The following ABCB4 variants were observed in gnomAD, a reference collection of about 807,000 sequenced individuals.
The protein encoded by ABCB4 is ATP binding cassette subfamily B member 4.
Under a neutral mutation model 145.7 loss-of-function variants are expected in ABCB4, and 76 were observed. The observed-to-expected ratio is 0.52, with a 90% confidence interval of 0.43 to 0.63. ABCB4 has a LOEUF of 0.63. Ranked by LOEUF, ABCB4 falls within the 30% of genes least tolerant of loss-of-function variation. The probability of loss-of-function intolerance (pLI) is 0.00; values close to 1 mark genes in which losing one functional copy is unlikely to be tolerated. For synonymous variants in ABCB4, 517 were observed against 566.8 expected (o/e 0.91, Z 1.25); for missense variants, 1,234 against 1,553.1 (o/e 0.79, Z 3.45).
chr7:87,389,207 C>A, the ABCB4 span, among the ~76,000 whole-genome samples: 2 of 152,162 alleles, frequency 1.3e-5, no homozygotes, highest in Non-Finnish European at 2.9e-5. Flanking sequence ...TTGCAGAAGA[C>A]AGTGTGGCGA....
chr7:87,434,095 ATTTTTTTTTTT>A (rs756063095), intron 14 of ABCB4, among the ~76,000 whole-genome samples: 1 of 118,058 alleles, frequency 8.5e-6, no homozygotes, highest in East Asian at 2.4e-4. Flanking sequence ...CACCTGGCTA[ATTTTTTTTTTT>A]TTTTTTTTTT....
chr7:87,426,462 T>C (rs1809813637), intron 16 of ABCB4, among the ~76,000 whole-genome samples: 3 of 152,238 alleles, frequency 2.0e-5, no homozygotes, highest in Admixed American at 1.3e-4. Flanking sequence ...ACCAGTCTTA[T>C]TACCTCTGGA....
At chr7:87,462,072 T>C (rs1006962901) in intron 4 of ABCB4, among the ~76,000 whole-genome samples, 2 of 152,212 alleles carry the variant, frequency 1.3e-5, no homozygotes, top group African/African-American at 4.8e-5. Context: ...AAAATTTTCC[T>C]TTCTATGTTG....
chr7:87,464,148 C>T (rs921685046), intron 3 of ABCB4, among the ~76,000 whole-genome samples: 1 of 152,266 alleles, frequency 6.6e-6, no homozygotes, highest in South Asian at 2.1e-4. Context: ...CCTTTGAGGG[C>T]TGAAGCTAGG....
chr7:87,452,549 T>G, intron 6 of ABCB4: 1 of 295,272 alleles, frequency 3.4e-6, no homozygotes, highest in Non-Finnish European at 6.5e-6. Flanking sequence ...ACTTCGCACA[T>G]GAAACACCCT....
chr7:87,417,328 A>G lies in ABCB4; in HGVS notation c.2666T>C (p.Leu889Pro). The change falls in exon 21 of 28, where the codon CTG (leucine) becomes CCG (proline). Residue 889 changes from leucine to proline, a missense_variant. Physicochemically the swap from Leu to Pro is moderately conservative, Grantham distance 98. This residue lies in a region of ABCB4 where 301 missense variants were observed against 389.0 expected (regional missense o/e 0.77). Transcript: ENST00000649586. ...AGNAKRDKKE[L>P]EAAGKIATEA... ...TTGACCTACCTTTCCAGCAGCTTCC[A>G]GTTCTTTTTTATCTCTTTTGGCATT... 1 of 1,614,092 alleles carries G rather than the reference A, an allele frequency of 6.2e-7. No homozygotes were observed. The highest frequency in any genetic ancestry group is 8.5e-7 in the Non-Finnish European group (1 of 1,179,970).
chr7:87,432,878 A>G (rs969966984), intron 14 of ABCB4, among the ~76,000 whole-genome samples: 1 of 152,178 alleles, frequency 6.6e-6, no homozygotes, highest in Non-Finnish European at 1.5e-5. Flanking sequence ...TTGTATCTCA[A>G]TTTTTTAAAA....
intron 14 of ABCB4, among the ~76,000 whole-genome samples, chr7:87,436,131 T>A (rs1016378506): frequency 1.3e-5 from 2 of 152,188 alleles, no homozygotes; most frequent in Non-Finnish European, 2.9e-5. Context: ...AAGAGAATGA[T>A]CAGCTAAAGA....
intron 16 of ABCB4, among the ~76,000 whole-genome samples, chr7:87,425,236 C>T (rs1345342165): frequency 1.3e-5 from 2 of 152,120 alleles, no homozygotes; most frequent in Non-Finnish European, 2.9e-5. Flanking sequence ...TGCAGCATTT[C>T]CTGCCTCCCC....
the ABCB4 span, among the ~76,000 whole-genome samples, chr7:87,367,033 A>G: frequency 2.8e-3 from 425 of 152,312 alleles, no homozygotes; most frequent in African/African-American, 9.6e-3. Context: ...GACATTTACC[A>G]GCCTTTCAGT....
chr7:87,370,969 A>G, the ABCB4 span, among the ~76,000 whole-genome samples: 2 of 152,188 alleles, frequency 1.3e-5, no homozygotes, highest in Non-Finnish European at 2.9e-5. Context: ...TCTGGGTAAG[A>G]GTTCTTACTT....
chr7:87,456,321 TG>T (rs1208541298), intron 4 of ABCB4, among the ~76,000 whole-genome samples: 4 of 152,202 alleles, frequency 2.6e-5, no homozygotes, highest in African/African-American at 9.7e-5. Context: ...AATCTCACGT[TG>T]AAATGTGATC....
chr7:87,427,030 T>A, intron 15 of ABCB4, 110 bp from the exon 16 acceptor site: 1 of 942,952 alleles, frequency 1.1e-6, no homozygotes, highest in South Asian at 1.5e-5. Context: ...CAATTTGGAA[T>A]ATTACATGTA....
intron 3 of ABCB4, among the ~76,000 whole-genome samples, chr7:87,466,447 T>G (rs1812908698): frequency 6.6e-6 from 1 of 152,146 alleles, no homozygotes; most frequent in South Asian, 2.1e-4. Flanking sequence ...AGTGACAGGA[T>G]TAATGGAACC....
At chr7:87,389,284 A>G in the ABCB4 span, among the ~76,000 whole-genome samples, 1 of 152,188 alleles carries the variant, frequency 6.6e-6, no homozygotes, top group Non-Finnish European at 1.5e-5. Flanking sequence ...TATATACCCA[A>G]AGGATTATAA....
At chr7:87,419,797 CA>C (rs966103751) in intron 19 of ABCB4, among the ~76,000 whole-genome samples, 200 bp downstream of exon 19, 4 of 18,598 alleles carry the variant, frequency 2.2e-4, no homozygotes, top group Non-Finnish European at 1.4e-3. Flanking sequence ...TGAAAAAAAA[CA>C]AAAACAAAAA....
At chr7:87,420,519 T>C (rs977784137) in intron 18 of ABCB4, among the ~76,000 whole-genome samples, 3 of 152,196 alleles carry the variant, frequency 2.0e-5, no homozygotes, top group East Asian at 1.9e-4. Flanking sequence ...TGACAAGTTA[T>C]AAAATTCCTT....
At chr7:87,429,437 CT>C (rs1018016127) in intron 15 of ABCB4, among the ~76,000 whole-genome samples, 14 of 152,188 alleles carry the variant, frequency 9.2e-5, no homozygotes, top group African/African-American at 3.1e-4. Flanking sequence ...AAATGTACAA[CT>C]TTTCCTAAGA....
At chr7:87,448,947 C>T (rs1379927276) in intron 8 of ABCB4, among the ~76,000 whole-genome samples, 1 of 152,154 alleles carries the variant, frequency 6.6e-6, no homozygotes, top group Non-Finnish European at 1.5e-5. Context: ...CATACTTCAA[C>T]TACAGTAGGG....
Sources: gnomAD v4.1 joint callset for allele counts (sites outside exome capture counted in the v4.1 genomes callset) on GRCh38, gnomAD v4.1.1 for gene constraint, gnomAD v4.1.1 regional missense constraint, MANE v1.5 for transcripts, NCBI Gene and HGNC (gene_info 2026-07-23, HGNC 2026-07-21) for gene names.